The following ITPR2 variants were observed in gnomAD, a reference collection of about 807,000 sequenced individuals.
ITPR2 encodes the protein inositol 1,4,5-trisphosphate receptor type 2.
ITPR2 carries 207 observed loss-of-function variants against 317.1 expected under a neutral mutation model. The ratio of observed to expected loss-of-function variants is 0.65; its 90% CI spans 0.58 to 0.73. ITPR2 has a LOEUF of 0.73. Among genes scored for constraint, ITPR2 ranks in the 30% least tolerant of loss-of-function variants. The pLI, the probability that ITPR2 is intolerant of heterozygous loss-of-function variation, is 0.00. For missense variants in ITPR2, 2,613 were observed against 3,284.0 expected (o/e 0.80, Z 4.99); for synonymous variants, 1,156 against 1,149.1 (o/e 1.01, Z -0.12).
intron 31 of ITPR2, among the ~76,000 whole-genome samples, chr12:26,596,265 C>T (rs548100233): frequency 8.5e-5 from 13 of 152,328 alleles, no homozygotes; most frequent in African/African-American, 1.7e-4. Flanking sequence ...TTCAAGTAAA[C>T]CTTTCAGTTT....
intron 45 of ITPR2, among the ~76,000 whole-genome samples, chr12:26,459,419 TC>T (rs1565538493): frequency 6.6e-6 from 1 of 152,172 alleles, no homozygotes; most frequent in Non-Finnish European, 1.5e-5. Context: ...AGGTAGTAAA[TC>T]CCACAGCGTT....
chr12:26,661,691 T>G (rs986719968), intron 15 of ITPR2, among the ~76,000 whole-genome samples: 5 of 152,110 alleles, frequency 3.3e-5, no homozygotes, highest in African/African-American at 1.2e-4. Context: ...CTCGTACGGG[T>G]GAAGTGGTGA....
intron 41 of ITPR2, among the ~76,000 whole-genome samples, chr12:26,484,809 T>A (rs574084894): frequency 6.6e-6 from 1 of 152,288 alleles, no homozygotes; most frequent in Non-Finnish European, 1.5e-5. Flanking sequence ...CCTCCCGGGT[T>A]CACGCCATTC....
In ITPR2 at chr12:26,605,124, A is replaced by ATATATATATATAT. The variant is rs1268947338; in HGVS notation, c.3463-2419_3463-2418insATATATATATATA. On this transcript the variant is annotated intron_variant, in intron 26 of 56. Coordinates refer to ENST00000381340, the MANE Select transcript of ITPR2 (RefSeq NM_002223.4). ...AAATAAAAATAAAAAATAAAAAATA[A>ATATATATATATAT]AAATATATATATATATATGAGAAAG... is the stretch of plus-strand genomic sequence containing the variant. 2.2e-3 allele frequency among the ~76,000 whole-genome samples: 184 copies of ATATATATATATAT among 83,708 alleles called. 1 individual carries two copies. The highest frequency in any genetic ancestry group is 0.016 in the Middle Eastern group (2 of 124). 54.9% of individuals were successfully genotyped at this position (83,708 alleles called of 152,430 possible).
intron 2 of ITPR2, among the ~76,000 whole-genome samples, chr12:26,730,741 G>T (rs899174533): frequency 6.6e-6 from 1 of 152,128 alleles, no homozygotes; most frequent in Non-Finnish European, 1.5e-5. Flanking sequence ...AAGCCACTCA[G>T]AAGTGTTCAT....
intron 2 of ITPR2, among the ~76,000 whole-genome samples, chr12:26,733,597 GC>G (rs1949063343): frequency 6.6e-6 from 1 of 152,100 alleles, no homozygotes; most frequent in South Asian, 2.1e-4. Context: ...GAGATTAATT[GC>G]CTGATTCATA....
At chr12:26,483,002 A>G (rs143088224) in intron 42 of ITPR2, among the ~76,000 whole-genome samples, 234 of 152,342 alleles carry the variant, frequency 1.5e-3, no homozygotes, top group African/African-American at 5.4e-3. Flanking sequence ...GAGGTGAAAC[A>G]GTCAACTGGC....
intron 55 of ITPR2, among the ~76,000 whole-genome samples, chr12:26,346,480 A>C (rs1938313023): frequency 6.6e-6 from 1 of 152,140 alleles, no homozygotes; most frequent in Non-Finnish European, 1.5e-5. Flanking sequence ...AAAATTAGCC[A>C]GGTGTGGTAG....
intron 2 of ITPR2, among the ~76,000 whole-genome samples, chr12:26,772,584 C>G (rs1451493161): frequency 2.2e-5 from 2 of 92,996 alleles, no homozygotes; most frequent in Non-Finnish European, 5.9e-5. Context: ...TGTATCTTAT[C>G]TTCTTCATTA....
At chr12:26,399,090 A>G in intron 53 of ITPR2, 49 bp from the exon 54 acceptor site, 1 of 1,332,714 alleles carries the variant, frequency 7.5e-7, no homozygotes. Flanking sequence ...GTGATTGAGC[A>G]CACTGTCTAG....
intron 37 of ITPR2, among the ~76,000 whole-genome samples, chr12:26,511,637 C>G (rs773868678): frequency 9.2e-5 from 14 of 152,028 alleles, no homozygotes; most frequent in Admixed American, 9.2e-4. Context: ...CATATTCTTG[C>G]TTTTCAAAAT....
At chr12:26,799,768 GC>G (rs1370926611) in intron 1 of ITPR2, among the ~76,000 whole-genome samples, 1 of 152,144 alleles carries the variant, frequency 6.6e-6, no homozygotes, top group Non-Finnish European at 1.5e-5. Flanking sequence ...TTTTGTCTGA[GC>G]TTGTCCATTA....
At chr12:26,411,568 A>T (rs995349454) in intron 51 of ITPR2, among the ~76,000 whole-genome samples, 156 bp from the exon 52 acceptor site, 1 of 152,234 alleles carries the variant, frequency 6.6e-6, no homozygotes, top group Admixed American at 6.5e-5. Flanking sequence ...TTCTGAACAC[A>T]GTTTTGCCTA....
intron 10 of ITPR2, among the ~76,000 whole-genome samples, chr12:26,688,171 G>A (rs550578072): frequency 2.7e-4 from 41 of 152,128 alleles, no homozygotes; most frequent in Admixed American, 1.0e-3. Context: ...GGGTAGCTGC[G>A]ACTACAGACG....
chr12:26,567,577 TTAAC>T (rs1381618386), intron 34 of ITPR2, among the ~76,000 whole-genome samples: 1 of 152,038 alleles, frequency 6.6e-6, no homozygotes, highest in Non-Finnish European at 1.5e-5. Flanking sequence ...TAATAGAAAA[TTAAC>T]TATGCAATTG....
chr12:26,401,801 T>G (rs947249036), intron 52 of ITPR2, among the ~76,000 whole-genome samples: 19 of 152,228 alleles, frequency 1.2e-4, no homozygotes, highest in African/African-American at 4.6e-4. Flanking sequence ...CCGACTTTAT[T>G]TTAACATTCT....
At chr12:26,400,417 C>A in intron 52 of ITPR2, among the ~76,000 whole-genome samples, 159 bp from the exon 53 acceptor site, 1 of 150,970 alleles carries the variant, frequency 6.6e-6, no homozygotes, top group South Asian at 2.1e-4. Context: ...AATAAATATA[C>A]CTAAATATAC....
At chr12:26,659,340 G>T (rs980841161) in intron 15 of ITPR2, 55 bp from the exon 16 acceptor site, 3 of 1,429,880 alleles carry the variant, frequency 2.1e-6, no homozygotes, top group Admixed American at 1.7e-5. Flanking sequence ...CAAATAACAG[G>T]TTCTATTAGG....
intron 37 of ITPR2, among the ~76,000 whole-genome samples, chr12:26,497,155 C>CTCTTTTTTT (rs756035869): frequency 8.2e-5 from 11 of 134,408 alleles, no homozygotes; most frequent in African/African-American, 3.1e-4. Flanking sequence ...ATTTCTCTCT[C>CTCTTTTTTT]TTTTTTTTTT....
Sources: gnomAD v4.1 joint callset for allele counts (sites outside exome capture counted in the v4.1 genomes callset) on GRCh38, gnomAD v4.1.1 for gene constraint, MANE v1.5 for transcripts, NCBI Gene and HGNC (gene_info 2026-07-23, HGNC 2026-07-21) for gene names.